TCF12: variants seen among roughly 807,000 people sequenced by gnomAD.
TCF12 encodes transcription factor 12.
In TCF12, 45 loss-of-function variants were observed where a neutral mutation model predicts 86.0. The observed-to-expected ratio is 0.52, with a 90% CI of 0.41 to 0.67. The LOEUF (loss-of-function observed/expected upper bound fraction) is 0.67, where lower values mean the gene tolerates loss of function less well. Ranked by LOEUF, TCF12 falls within the 30% of genes least tolerant of loss-of-function variation. TCF12 has a pLI of 0.00. For missense variants in TCF12, 881 were observed against 859.9 expected, an observed-to-expected ratio of 1.02 and a Z score of -0.31; for synonymous variants, 330 against 299.6, an observed-to-expected ratio of 1.10 and a Z score of -1.05.
At chr15:57,232,966 GTA>G (rs1356667379) in intron 11 of TCF12, 110 bp downstream of exon 11, 1 of 613,938 alleles carries the variant, frequency 1.6e-6, no homozygotes, top group Non-Finnish European at 2.2e-6. Flanking sequence ...TTATATATAT[GTA>G]TATATGTTAT....
intron 5 of TCF12, among the ~76,000 whole-genome samples, chr15:57,105,331 C>T (rs1008417773): frequency 3.3e-5 from 5 of 152,206 alleles, no homozygotes; most frequent in Non-Finnish European, 1.5e-5. Context: ...TAAATTGCAG[C>T]TCCCTGGTGA....
At chr15:57,077,208 G>A (rs1250390540) in intron 4 of TCF12, among the ~76,000 whole-genome samples, 1 of 152,002 alleles carries the variant, frequency 6.6e-6, no homozygotes, top group Non-Finnish European at 1.5e-5. Flanking sequence ...ATTTTGATTA[G>A]GATTGCATTG....
chr15:57,214,498 C>T (rs1016860635), intron 8 of TCF12: 1 of 152,080 alleles, frequency 6.6e-6, no homozygotes, highest in Non-Finnish European at 1.5e-5. Context: ...GTGATTGTTT[C>T]CATTGGCTAT....
At chr15:56,944,957 G>A (rs1226683342) in intron 3 of TCF12, among the ~76,000 whole-genome samples, 4 of 152,096 alleles carry the variant, frequency 2.6e-5, no homozygotes, top group African/African-American at 9.7e-5. Context: ...ACAATACTGA[G>A]TCTTGCAATA....
At chr15:57,018,606 G>T (rs1374919142) in intron 3 of TCF12, among the ~76,000 whole-genome samples, 4 of 151,932 alleles carry the variant, frequency 2.6e-5, no homozygotes, top group Non-Finnish European at 5.9e-5. Flanking sequence ...GGGACTACAT[G>T]CACGTGCCAG....
At position 57,186,190 on chromosome 15, in the gene TCF12, G is replaced by C. The variant is rs185515090; in HGVS notation, c.391-5968G>C. Reference sequence around the variant, plus strand: ...AGTAAAGAAATAGAATTAGTAATAAGAATCCTCCCATAAAAGAAAAGTCCA... The same window carrying C: ...AGTAAAGAAATAGAATTAGTAATAACAATCCTCCCATAAAAGAAAAGTCCA... On this transcript the variant is annotated intron_variant, in intron 6 of 20. Transcript: ENST00000333725. Among the ~76,000 whole-genome samples the C allele has an allele frequency of 2.9e-4, 44 of 152,212 alleles. 1 individual carries two copies. The East Asian group carries it at 8.3e-3, about 29-fold the overall frequency.
intron 4 of TCF12, among the ~76,000 whole-genome samples, chr15:57,075,828 C>CTTTTATT (rs375885722): frequency 2.8e-5 from 2 of 71,300 alleles, no homozygotes; most frequent in African/African-American, 1.3e-4. Flanking sequence ...CTCTCTCTCT[C>CTTTTATT]TCTCTCTTTT....
chr15:56,971,066 A>C (rs1477329818), intron 3 of TCF12, among the ~76,000 whole-genome samples: 1 of 152,132 alleles, frequency 6.6e-6, no homozygotes, highest in Non-Finnish European at 1.5e-5. Flanking sequence ...AACAAACAAA[A>C]AATTGTAAGA....
At chr15:57,177,867 G>T (rs572751132) in intron 6 of TCF12, among the ~76,000 whole-genome samples, 29 of 151,866 alleles carry the variant, frequency 1.9e-4, no homozygotes, top group African/African-American at 6.8e-4. Flanking sequence ...TGCCACCACA[G>T]TCGGCTAATT....
intron 3 of TCF12, among the ~76,000 whole-genome samples, chr15:57,004,742 G>T (rs1369480990): frequency 6.6e-6 from 1 of 151,814 alleles, no homozygotes; most frequent in Non-Finnish European, 1.5e-5. Flanking sequence ...TTTTAGTAGA[G>T]ATGGGGTTTC....
chr15:56,965,133 T>G (rs1003953604), intron 3 of TCF12, among the ~76,000 whole-genome samples: 1 of 152,202 alleles, frequency 6.6e-6, no homozygotes, highest in African/African-American at 2.4e-5. Context: ...TTAATTCTTA[T>G]GTGAAACCTT....
chr15:57,249,489 A>G (rs1224336285), intron 13 of TCF12, among the ~76,000 whole-genome samples: 1 of 152,146 alleles, frequency 6.6e-6, no homozygotes, highest in African/African-American at 2.4e-5. Flanking sequence ...ATGTAATTAT[A>G]ACAGTATGCA....
At chr15:56,918,232 T>C (rs1456152821), upstream of TCF12, 12 of 456,156 alleles carry the variant, frequency 2.6e-5, no homozygotes, top group Non-Finnish European at 1.8e-5. Flanking sequence ...TTCAGTGTCC[T>C]GCGGCCTCGG....
At chr15:57,199,128 C>G (rs770591790) in intron 8 of TCF12, among the ~76,000 whole-genome samples, 4 of 152,172 alleles carry the variant, frequency 2.6e-5, no homozygotes, top group Non-Finnish European at 5.9e-5. Context: ...TGCATAAGCA[C>G]TTGGGCCCAC....
chr15:57,052,356 A>C (rs2067690040), intron 3 of TCF12, among the ~76,000 whole-genome samples: 1 of 152,066 alleles, frequency 6.6e-6, no homozygotes, highest in Non-Finnish European at 1.5e-5. Context: ...TAAGTAAAAA[A>C]CTATAGCTAG....
chr15:57,085,073 A>G lies in TCF12; in HGVS notation c.223-6716A>G, dbSNP rs1040014334. Among the ~76,000 whole-genome samples the G allele has an allele frequency of 2.6e-5, 4 of 152,080 alleles. No individual in the cohort carries two copies. In the East Asian group the frequency reaches 7.7e-4, roughly 29 times the overall value. On this transcript the variant is annotated intron_variant, in intron 4 of 20. Coordinates refer to ENST00000333725, the MANE Select transcript of TCF12 (RefSeq NM_207037.2). Reference sequence around the variant, plus strand: ...TTGATTCTCCTCTTCCTCCTAGGCCAGTTCAAGACTCGCTCTTCCTTCTTG... The same window carrying G: ...TTGATTCTCCTCTTCCTCCTAGGCCGGTTCAAGACTCGCTCTTCCTTCTTG...
intron 3 of TCF12, among the ~76,000 whole-genome samples, chr15:56,955,677 G>A (rs1316552147): frequency 2.6e-5 from 4 of 152,204 alleles, no homozygotes. Flanking sequence ...CTTGGCAAAT[G>A]TTCTGTATGA....
intron 3 of TCF12, among the ~76,000 whole-genome samples, chr15:57,016,421 A>G (rs977079269): frequency 1.9e-4 from 29 of 152,120 alleles, no homozygotes. Flanking sequence ...TTGATGGTTT[A>G]TGGGATTTGT....
intron 3 of TCF12, among the ~76,000 whole-genome samples, chr15:57,042,898 T>G (rs529297250): frequency 8.5e-5 from 13 of 152,316 alleles, no homozygotes; most frequent in Admixed American, 7.8e-4. Context: ...TGAAACTCTG[T>G]CCCTATTGAA....
Sources: allele counts gnomAD v4.1 joint callset (sites outside exome capture counted in the v4.1 genomes callset), GRCh38; gene constraint gnomAD v4.1.1; transcripts MANE v1.5; gene names NCBI Gene and HGNC (gene_info 2026-07-23, HGNC 2026-07-21).